The following CHCHD6 variants were observed in gnomAD, a reference collection of about 807,000 sequenced individuals.
CHCHD6 encodes MICOS complex subunit MIC25.
Under a neutral mutation model 32.3 loss-of-function variants are expected in CHCHD6, and 28 were observed. That is an observed-to-expected ratio of 0.87 (90% CI 0.64 to 1.19). The LOEUF is 1.19. Among genes scored for constraint, CHCHD6 ranks in the 50% most tolerant of loss-of-function variants. CHCHD6 has a pLI of 0.00. For missense variants in CHCHD6, 333 were observed against 307.0 expected, an observed-to-expected ratio of 1.08 and a Z score of -0.63; for synonymous variants, 122 against 117.5, an observed-to-expected ratio of 1.04 and a Z score of -0.25.
At chr3:126,919,317 C>CTTTTTTT (rs756862821) in intron 6 of CHCHD6, among the ~76,000 whole-genome samples, 8 of 68,150 alleles carry the variant, frequency 1.2e-4, no homozygotes, top group East Asian at 4.6e-4. Flanking sequence ...TTTCTTTTTT[C>CTTTTTTT]TTTTTTTTTT....
chr3:126,867,529 T>C (rs1468115294), intron 5 of CHCHD6, among the ~76,000 whole-genome samples: 1 of 152,246 alleles, frequency 6.6e-6, no homozygotes, highest in African/African-American at 2.4e-5. Context: ...ATAATTTTAA[T>C]GAAATGGGTA....
At chr3:126,938,337 G>A (rs1247218129) in intron 6 of CHCHD6, among the ~76,000 whole-genome samples, 2 of 152,168 alleles carry the variant, frequency 1.3e-5, no homozygotes, top group Non-Finnish European at 2.9e-5. Context: ...GTGCCACAGG[G>A]CTAGTTACAG....
intron 6 of CHCHD6, among the ~76,000 whole-genome samples, chr3:126,953,605 G>A (rs1576647024): frequency 6.6e-6 from 1 of 152,202 alleles, no homozygotes; most frequent in African/African-American, 2.4e-5. Context: ...CTTCTATGGG[G>A]CAAGCGGTGT....
intron 6 of CHCHD6, among the ~76,000 whole-genome samples, chr3:126,925,542 T>C (rs926504494): frequency 2.0e-5 from 3 of 152,204 alleles, no homozygotes; most frequent in Admixed American, 2.0e-4. Flanking sequence ...ACTAGGAATG[T>C]AGTATACAGC....
At chr3:126,809,670 A>G (rs1939570971) in intron 4 of CHCHD6, among the ~76,000 whole-genome samples, 1 of 152,166 alleles carries the variant, frequency 6.6e-6, no homozygotes, top group African/African-American at 2.4e-5. Flanking sequence ...ATTGATGTGG[A>G]TGGTGTGCCA....
chr3:126,905,286 A>T (rs544613373), intron 5 of CHCHD6, among the ~76,000 whole-genome samples: 1 of 152,370 alleles, frequency 6.6e-6, no homozygotes, highest in East Asian at 1.9e-4. Flanking sequence ...GTCTTGGTAC[A>T]GCACACTGGG....
chr3:126,829,695 G>A (rs1056694235), intron 4 of CHCHD6, among the ~76,000 whole-genome samples: 1 of 152,036 alleles, frequency 6.6e-6, no homozygotes, highest in Non-Finnish European at 1.5e-5. Flanking sequence ...ATCATGTGAC[G>A]ACAGAGCAAG....
rs141966155 is a variant in CHCHD6, at chr3:126,733,075, C to T, written c.267-3C>T. On this transcript the variant is annotated splice_region_variant and splice_polypyrimidine_tract_variant and intron_variant, in intron 3 of 7. Transcript: ENST00000290913. Reference sequence around the variant, plus strand: ...TGTTTCTCCTCATGTTTCTTCTGCACAGGTATGAACAGGAGCATGCTGCTA... The same window carrying T: ...TGTTTCTCCTCATGTTTCTTCTGCATAGGTATGAACAGGAGCATGCTGCTA... 5 of 1,613,992 alleles carry T rather than the reference C, an allele frequency of 3.1e-6. No homozygotes were observed. The East Asian group carries it at 1.1e-4, about 36-fold the overall frequency.
intron 5 of CHCHD6, among the ~76,000 whole-genome samples, chr3:126,891,093 G>A (rs2077752422): frequency 1.3e-5 from 2 of 152,174 alleles, no homozygotes; most frequent in Non-Finnish European, 1.5e-5. Flanking sequence ...ACAAGACATT[G>A]TTTCTTCCCC....
chr3:126,945,128 C>T (rs1175516846), intron 6 of CHCHD6, among the ~76,000 whole-genome samples: 6 of 152,106 alleles, frequency 3.9e-5, no homozygotes, highest in Non-Finnish European at 8.8e-5. Context: ...GAGAAGAGGC[C>T]AGGTAGGAGG....
intron 1 of CHCHD6, among the ~76,000 whole-genome samples, chr3:126,711,372 A>C (rs72976795): frequency 0.027 from 4,101 of 152,248 alleles, 129 homozygotes; most frequent in East Asian, 0.15. Context: ...GCCTAGTGAA[A>C]TGCTTCTGAG....
intron 5 of CHCHD6, among the ~76,000 whole-genome samples, chr3:126,860,345 CAG>C (rs943024362): frequency 3.3e-5 from 5 of 151,916 alleles, no homozygotes; most frequent in African/African-American, 1.2e-4. Context: ...GTTTTTGAAT[CAG>C]AGTTTTCCAA....
chr3:126,831,028 CT>C (rs543053558), intron 4 of CHCHD6, among the ~76,000 whole-genome samples: 175 of 145,644 alleles, frequency 1.2e-3, no homozygotes, highest in Middle Eastern at 3.6e-3. Flanking sequence ...TGCCAGTCTT[CT>C]TTTTTTTTTT....
At chr3:126,904,768 C>CTCACAAA (rs2077981398) in intron 5 of CHCHD6, among the ~76,000 whole-genome samples, 1 of 152,180 alleles carries the variant, frequency 6.6e-6, no homozygotes, top group African/African-American at 2.4e-5. Flanking sequence ...GCCAATACTT[C>CTCACAAA]TGGGAAGGTC....
intron 4 of CHCHD6, among the ~76,000 whole-genome samples, chr3:126,735,082 C>T (rs947952076): frequency 1.1e-4 from 16 of 152,136 alleles, no homozygotes; most frequent in Admixed American, 8.5e-4. Flanking sequence ...TACCCCTCTG[C>T]AGGCAGCCTG....
At chr3:126,879,253 G>A (rs1159673798) in intron 5 of CHCHD6, among the ~76,000 whole-genome samples, 4 of 152,180 alleles carry the variant, frequency 2.6e-5, no homozygotes. Flanking sequence ...CACCACAGTG[G>A]GGCAGGGTGG....
intron 4 of CHCHD6, among the ~76,000 whole-genome samples, chr3:126,815,649 C>A (rs200774309): frequency 0.031 from 4,660 of 149,772 alleles, 145 homozygotes; most frequent in Non-Finnish European, 0.04. Flanking sequence ...TCTTGCCCCC[C>A]CCCCCCCATC....
intron 4 of CHCHD6, among the ~76,000 whole-genome samples, chr3:126,770,202 A>T (rs1281593186): frequency 6.6e-6 from 1 of 152,142 alleles, no homozygotes; most frequent in African/African-American, 2.4e-5. Context: ...TTGTATCCTG[A>T]AACTGTGCTG....
intron 5 of CHCHD6, among the ~76,000 whole-genome samples, chr3:126,877,250 T>C (rs1423258302): frequency 1.3e-5 from 2 of 152,134 alleles, no homozygotes; most frequent in African/African-American, 4.8e-5. Flanking sequence ...GTTGATGTTT[T>C]GTTTATTCAA....
Sources: allele counts gnomAD v4.1 joint callset (sites outside exome capture counted in the v4.1 genomes callset), GRCh38; gene constraint gnomAD v4.1.1; transcripts MANE v1.5; gene names NCBI Gene and HGNC (gene_info 2026-07-23, HGNC 2026-07-21).